Variants in ERBB4 observed in about 807,000 individuals in gnomAD.
ERBB4 encodes the protein receptor tyrosine-protein kinase erbB-4.
A neutral mutation model predicts 158.0 loss-of-function variants in ERBB4; 42 were observed. The ratio of observed to expected loss-of-function variants is 0.27; its 90% CI spans 0.21 to 0.34. ERBB4 has a LOEUF of 0.34. Ranked by LOEUF, ERBB4 falls within the 10% of genes least tolerant of loss-of-function variation. ERBB4 has a pLI of 1.00. For missense variants in ERBB4, 1,333 were observed against 1,624.1 expected, an observed-to-expected ratio of 0.82 and a Z score of 3.08; for synonymous variants, 583 against 558.7, an observed-to-expected ratio of 1.04 and a Z score of -0.61.
At chr2:212,083,421 C>T (rs951692901) in intron 2 of ERBB4, among the ~76,000 whole-genome samples, 3 of 151,756 alleles carry the variant, frequency 2.0e-5, no homozygotes, top group Non-Finnish European at 2.9e-5. Flanking sequence ...ATTTAGGTCT[C>T]GAATTTTAGT....
intron 1 of ERBB4, among the ~76,000 whole-genome samples, chr2:212,154,493 T>C (rs2080973090): frequency 6.6e-6 from 1 of 152,182 alleles, no homozygotes; most frequent in Admixed American, 6.6e-5. Flanking sequence ...TATCACAGTA[T>C]TTAATATGCT....
chr2:211,839,241 G>A (rs1452104458), intron 3 of ERBB4, among the ~76,000 whole-genome samples: 1 of 149,834 alleles, frequency 6.7e-6, no homozygotes, highest in Non-Finnish European at 1.5e-5. Flanking sequence ...GAAGAGAAAA[G>A]AAAAGAAAAG....
chr2:211,609,850 T>C (rs186000216), intron 19 of ERBB4, among the ~76,000 whole-genome samples: 26 of 152,316 alleles, frequency 1.7e-4, no homozygotes, highest in African/African-American at 5.5e-4. Context: ...ACCAGGTAAA[T>C]AAAAACAGAC....
chr2:211,688,937 T>C (rs1559420780), intron 12 of ERBB4, among the ~76,000 whole-genome samples: 2 of 152,188 alleles, frequency 1.3e-5, no homozygotes, highest in Non-Finnish European at 2.9e-5. Context: ...CAGGTTTTAC[T>C]TAATTGTGGT....
intron 20 of ERBB4, among the ~76,000 whole-genome samples, chr2:211,547,831 T>C (rs2066982727): frequency 6.6e-6 from 1 of 152,106 alleles, no homozygotes; most frequent in Admixed American, 6.6e-5. Context: ...AGTTCTTTAC[T>C]TTCTGGATGT....
At chr2:212,008,722 A>T (rs1314452940) in intron 2 of ERBB4, among the ~76,000 whole-genome samples, 1 of 152,186 alleles carries the variant, frequency 6.6e-6, no homozygotes, top group Non-Finnish European at 1.5e-5. Context: ...TTATCTACAA[A>T]ATTAGAATGT....
chr2:211,704,224 A>C (rs747018974), intron 10 of ERBB4, 30 bp from the exon 11 acceptor site: 1 of 1,351,488 alleles, frequency 7.4e-7, no homozygotes, highest in Non-Finnish European at 1.1e-6. Flanking sequence ...AAAATAAATC[A>C]GAATATCATT....
intron 1 of ERBB4, among the ~76,000 whole-genome samples, chr2:212,204,690 CT>C (rs1412935528): frequency 7.0e-5 from 10 of 142,708 alleles, no homozygotes; most frequent in African/African-American, 2.4e-4. Flanking sequence ...GAGTGAGACT[CT>C]GTCCCCCACA....
chr2:212,301,732 T>C (rs1489003598), intron 1 of ERBB4, among the ~76,000 whole-genome samples: 1 of 151,254 alleles, frequency 6.6e-6, no homozygotes, highest in Admixed American at 6.6e-5. Context: ...CCCATGCAAG[T>C]TCCCTCAGAG....
At chr2:211,964,412 G>T (rs1309408031) in intron 2 of ERBB4, among the ~76,000 whole-genome samples, 1 of 152,034 alleles carries the variant, frequency 6.6e-6, no homozygotes, top group Non-Finnish European at 1.5e-5. Flanking sequence ...TGTTTTTTCG[G>T]AATTACGTTA....
At chr2:212,342,998 A>G (rs2088797873) in intron 1 of ERBB4, among the ~76,000 whole-genome samples, 1 of 152,122 alleles carries the variant, frequency 6.6e-6, no homozygotes, top group African/African-American at 2.4e-5. Flanking sequence ...TCTCCTTGTC[A>G]AGTAACTCTC....
At chr2:212,341,409 G>A (rs896037699) in intron 1 of ERBB4, among the ~76,000 whole-genome samples, 4 of 151,832 alleles carry the variant, frequency 2.6e-5, no homozygotes, top group Non-Finnish European at 4.4e-5. Flanking sequence ...AGCCCCTACA[G>A]TGTTGTTCAA....
chr2:211,569,531 C>T (rs528271286), intron 19 of ERBB4, among the ~76,000 whole-genome samples: 2 of 152,174 alleles, frequency 1.3e-5, no homozygotes, highest in South Asian at 4.1e-4. Context: ...TAAGAGGTAT[C>T]ACAAAAATAA....
chr2:211,789,610 C>A (rs1004750157), intron 3 of ERBB4, among the ~76,000 whole-genome samples: 1 of 152,068 alleles, frequency 6.6e-6, no homozygotes, highest in Non-Finnish European at 1.5e-5. Context: ...GAATAAGTAA[C>A]TATTGAGGTG....
chr2:211,473,107 A>G (rs1247734496), intron 20 of ERBB4, among the ~76,000 whole-genome samples: 1 of 151,860 alleles, frequency 6.6e-6, no homozygotes, highest in Non-Finnish European at 1.5e-5. Context: ...ATGATCCTGC[A>G]TTATCTAGGT....
intron 2 of ERBB4, among the ~76,000 whole-genome samples, chr2:212,039,599 T>C (rs1559367302): frequency 6.6e-6 from 1 of 152,188 alleles, no homozygotes; most frequent in Non-Finnish European, 1.5e-5. Flanking sequence ...TTATGCTGAG[T>C]AGCAATAATC....
At chr2:211,753,323 C>T (rs1243480807) in intron 4 of ERBB4, among the ~76,000 whole-genome samples, 2 of 151,990 alleles carry the variant, frequency 1.3e-5, no homozygotes, top group Non-Finnish European at 2.9e-5. Flanking sequence ...CTCCTACATC[C>T]TTCCAACCAC....
At chr2:211,535,215 C>T (rs866080572) in intron 20 of ERBB4, among the ~76,000 whole-genome samples, 1 of 151,970 alleles carries the variant, frequency 6.6e-6, no homozygotes, top group Non-Finnish European at 1.5e-5. Context: ...GAAATTTATT[C>T]TAAGAACATA....
chr2:211,555,208 G>A (rs1037939913), intron 20 of ERBB4, among the ~76,000 whole-genome samples: 3 of 151,584 alleles, frequency 2.0e-5, no homozygotes, highest in Admixed American at 6.6e-5. Context: ...TTTTTGAGAC[G>A]GAGTTTCGCT....
Sources: allele counts gnomAD v4.1 joint callset (sites outside exome capture counted in the v4.1 genomes callset), GRCh38; gene constraint gnomAD v4.1.1; transcripts MANE v1.5; gene names NCBI Gene and HGNC (gene_info 2026-07-23, HGNC 2026-07-21).